TMEM164: variants seen among roughly 807,000 people sequenced by gnomAD.
TMEM164 encodes RP13-360B22.2.
In TMEM164, 4 loss-of-function variants were observed where a neutral mutation model predicts 18.8. The observed-to-expected ratio is 0.21, with a 90% confidence interval of 0.10 to 0.49. The LOEUF is 0.49. Among genes scored for constraint, TMEM164 ranks in the 20% least tolerant of loss-of-function variants. The pLI is 0.98. For missense variants in TMEM164, 108 were observed against 239.9 expected, an observed-to-expected ratio of 0.45 and a Z score of 3.63; for synonymous variants, 86 against 101.7, an observed-to-expected ratio of 0.85 and a Z score of 0.93.
chrX:110,072,415 T>G (rs1334975921), intron 3 of TMEM164, among the ~76,000 whole-genome samples: 1 of 111,211 alleles, frequency 9.0e-6, no homozygotes, highest in Admixed American at 9.6e-5. Flanking sequence ...TTCTGATGTG[T>G]TCTGTGGTAA....
intron 3 of TMEM164, among the ~76,000 whole-genome samples, chrX:110,075,712 A>G (rs1468346214): frequency 8.9e-6 from 1 of 112,195 alleles, no homozygotes; most frequent in Non-Finnish European, 1.9e-5. Flanking sequence ...GACTATTGAG[A>G]TGATCATATG....
intron 5 of TMEM164, among the ~76,000 whole-genome samples, chrX:110,161,921 G>A (rs1335215956): frequency 1.8e-5 from 2 of 112,618 alleles, no homozygotes; most frequent in Non-Finnish European, 1.9e-5. Flanking sequence ...TGGAATAGTA[G>A]TATCTGCCTA....
intron 2 of TMEM164, among the ~76,000 whole-genome samples, chrX:110,041,021 A>G (rs1364494427): frequency 9.0e-6 from 1 of 110,990 alleles, no homozygotes; most frequent in East Asian, 2.8e-4. Flanking sequence ...CTACCCCCTA[A>G]CCCGCACTAG....
intron 3 of TMEM164, among the ~76,000 whole-genome samples, chrX:110,097,501 C>G (rs780924353): frequency 8.9e-6 from 1 of 112,475 alleles, no homozygotes; most frequent in African/African-American, 3.2e-5. Flanking sequence ...TAATCTTTCT[C>G]TATACAATGT....
At chrX:110,169,411 T>A (rs2067200808) in intron 5 of TMEM164, among the ~76,000 whole-genome samples, 1 of 111,590 alleles carries the variant, frequency 9.0e-6, no homozygotes, top group Admixed American at 9.5e-5. Context: ...TCCTCCAGCC[T>A]CACTGCTGTT....
chrX:110,085,304 G>A (rs190199246), intron 3 of TMEM164, among the ~76,000 whole-genome samples: 1,315 of 91,000 alleles, frequency 0.014, 25 homozygotes, highest in African/African-American at 0.051. Context: ...GGGACTACAG[G>A]AAAACACCAC....
intron 5 of TMEM164, among the ~76,000 whole-genome samples, chrX:110,155,367 A>G (rs1243093584): frequency 9.1e-6 from 1 of 110,237 alleles, no homozygotes; most frequent in Non-Finnish European, 1.9e-5. Flanking sequence ...AAAAATAACA[A>G]TTAGACTCCT....
Position 110,123,981 on chromosome X carries a change from C to T in TMEM164, c.507+14835C>T, listed in dbSNP as rs192276340. Among the ~76,000 whole-genome samples, 616 of 110,210 alleles carry T rather than the reference C, an allele frequency of 5.6e-3. 8 individuals carry two copies. Among genetic ancestry groups the T allele is most frequent in the African/African-American group, 0.019 (586 of 30,270 alleles). ...TTTTTAAAAAATTAGCCAGGCGTGG[C>T]GGTATGTGTCTGTAGTCTCACCTAC... On this transcript the variant is annotated intron_variant, in intron 4 of 6. Coordinates refer to ENST00000372068, the MANE Select transcript of TMEM164 (RefSeq NM_032227.4).
intron 2 of TMEM164, among the ~76,000 whole-genome samples, chrX:110,013,033 C>T (rs1455729022): frequency 8.9e-6 from 1 of 111,855 alleles, no homozygotes; most frequent in African/African-American, 3.3e-5. Flanking sequence ...GCCCTGTGGC[C>T]ATGTGTTTAG....
rs2066979575 is a variant in TMEM164 at position 110,153,841 on chromosome X, C to T, written c.586+8965C>T. 2.7e-5 allele frequency among the ~76,000 whole-genome samples: 3 copies of T among 111,717 alleles called. No homozygotes were observed. In the South Asian group the frequency reaches 1.1e-3, roughly 42 times the overall value. On this transcript the variant is annotated intron_variant, in intron 5 of 6. Coordinates refer to ENST00000372068, the MANE Select transcript of TMEM164 (RefSeq NM_032227.4). ...TTTATGCGTGGCCCAAGACAATTCT[C>T]CTTCCCATGTGGCCCAGGGAAGCCA...
At chrX:110,092,437 G>T (rs865783895) in intron 3 of TMEM164, among the ~76,000 whole-genome samples, 6 of 111,425 alleles carry the variant, frequency 5.4e-5, no homozygotes, top group Non-Finnish European at 7.5e-5. Context: ...CCCTTGTAAG[G>T]TGGATTCGTA....
At chrX:110,059,512 A>C (rs1936013271) in intron 2 of TMEM164, among the ~76,000 whole-genome samples, 1 of 111,675 alleles carries the variant, frequency 9.0e-6, no homozygotes, top group Admixed American at 9.5e-5. Context: ...AAAAAATGTC[A>C]GCTGGGATTC....
chrX:110,095,074 G>A lies in TMEM164; in HGVS notation c.441-14006G>A, dbSNP rs1298779410. ...CTGTTAGTCTGATTGGCTTCCCTTT[G>A]TGGGTAACCCGACCTTTCTCTCTGG... On this transcript the variant is annotated intron_variant, in intron 3 of 6. Transcript: ENST00000372068. 6.2e-5 allele frequency among the ~76,000 whole-genome samples: 7 copies of A among 112,047 alleles called. No individual in the cohort carries two copies. The Admixed American group carries it at 6.6e-4, about 11-fold the overall frequency.
rs1206749073 is a variant in TMEM164 at position 110,084,377 on chromosome X, AGT to A, written c.440+16984_440+16985del. 2.6e-3 allele frequency among the ~76,000 whole-genome samples: 50 copies of A among 19,165 alleles called. 5 individuals are homozygous for A. The highest frequency in any genetic ancestry group is 0.01 in the East Asian group (1 of 97). The allele number at this position is 19,165 out of a possible 115,157, so 16.6% of individuals were successfully genotyped here. ...TATATATATAGTATAGTATATATATAGTGTATATATATATAGTATAGTATATA... is the reference window on the plus strand; with the variant it reads ...TATATATATAGTATAGTATATATATAGTATATATATATAGTATAGTATATA... On this transcript the variant is annotated intron_variant, in intron 3 of 6. Coordinates refer to ENST00000372068, the MANE Select transcript of TMEM164 (RefSeq NM_032227.4).
At chrX:110,031,119 T>C (rs1934485563) in intron 2 of TMEM164, among the ~76,000 whole-genome samples, 1 of 111,387 alleles carries the variant, frequency 9.0e-6, no homozygotes. Context: ...TATGTTCTCA[T>C]TGTTTGACTC....
In TMEM164 at chrX:110,131,974, G is replaced by A. The variant is rs888300856; in HGVS notation, c.508-12824G>A. Reference sequence around the variant, plus strand: ...ACCTATATTATGGCAGCTAGGTAGCGTAAGTCCTTCCGTTTTCATAGTAGA... The same window carrying A: ...ACCTATATTATGGCAGCTAGGTAGCATAAGTCCTTCCGTTTTCATAGTAGA... On this transcript the variant is annotated intron_variant, in intron 4 of 6. Transcript: ENST00000372068. Among the ~76,000 whole-genome samples, 10 of 111,691 alleles carry A rather than the reference G, an allele frequency of 9.0e-5. 2 individuals carry two copies. Among genetic ancestry groups the A allele is most frequent in the African/African-American group, 9.8e-5 (3 of 30,723 alleles).
intron 4 of TMEM164, among the ~76,000 whole-genome samples, chrX:110,128,384 T>C (rs748745551): frequency 1.1e-3 from 120 of 112,832 alleles, no homozygotes; most frequent in Middle Eastern, 4.6e-3. Flanking sequence ...TTTTATCCTC[T>C]GTTGTTGCTT....
chrX:110,056,665 T>C (rs1393248495), intron 2 of TMEM164, among the ~76,000 whole-genome samples: 3 of 111,917 alleles, frequency 2.7e-5, no homozygotes, highest in Non-Finnish European at 5.6e-5. Flanking sequence ...ACCGACAGTA[T>C]AAAAGGGTTC....
intron 2 of TMEM164, among the ~76,000 whole-genome samples, chrX:110,031,523 A>G (rs755774358): frequency 1.6e-3 from 178 of 110,767 alleles, no homozygotes; most frequent in Non-Finnish European, 2.8e-3. Flanking sequence ...GGGTCTCACT[A>G]TGTTGCCCAG....
Sources: allele counts gnomAD v4.1 joint callset (sites outside exome capture counted in the v4.1 genomes callset), GRCh38; gene constraint gnomAD v4.1.1; transcripts MANE v1.5; gene names NCBI Gene and HGNC (gene_info 2026-07-23, HGNC 2026-07-21).